The following SLC10A7 variants were observed in gnomAD, a reference collection of about 807,000 sequenced individuals.
SLC10A7 encodes solute carrier family 10 member 7.
Under a neutral mutation model 43.2 loss-of-function variants are expected in SLC10A7, and 29 were observed. That is an observed-to-expected ratio of 0.67 (90% CI 0.50 to 0.92). The LOEUF (loss-of-function observed/expected upper bound fraction) is 0.92, where lower values mean the gene tolerates loss of function less well. Ranked by LOEUF, SLC10A7 falls within the 40% of genes least tolerant of loss-of-function variation. The pLI is 0.00. For synonymous variants in SLC10A7, 152 were observed against 144.8 expected (o/e 1.05, Z -0.35); for missense variants, 295 against 403.2 (o/e 0.73, Z 2.30).
rs1409688369 is a variant in SLC10A7 at position 146,353,447 on chromosome 4, C to T, written c.436-27451G>A. On this transcript the variant is annotated intron_variant, in intron 5 of 11. Transcript: ENST00000335472. The stretch of plus-strand genomic sequence containing the variant: ...GACCAGATGGATTCACAGCCAAATT[C>T]TACCAGAGGTACAAGGAGGAACTGG... Among the ~76,000 whole-genome samples the T allele has an allele frequency of 4.6e-3, 651 of 141,010 alleles. 2 individuals carry two copies. The highest frequency in any genetic ancestry group is 7.3e-3 in the Non-Finnish European group (480 of 65,880). 92.5% of individuals were successfully genotyped at this position (141,010 alleles called of 152,430 possible).
chr4:146,332,200 T>C (rs768730675), intron 5 of SLC10A7, among the ~76,000 whole-genome samples: 8 of 152,206 alleles, frequency 5.3e-5, no homozygotes, highest in Admixed American at 1.3e-4. Flanking sequence ...GTCTAGCAGC[T>C]GACAGGAACA....
chr4:146,497,930 T>A (rs936949300), intron 4 of SLC10A7, among the ~76,000 whole-genome samples: 1 of 151,690 alleles, frequency 6.6e-6, no homozygotes, highest in Admixed American at 6.6e-5. Flanking sequence ...AAAAAAAAAA[T>A]CAAAAAAATT....
At position 146,331,624 on chromosome 4, in the gene SLC10A7, C is replaced by G. The variant is rs186484315; in HGVS notation, c.436-5628G>C. Among the ~76,000 whole-genome samples the G allele has an allele frequency of 2.1e-4, 32 of 152,218 alleles. No homozygotes were observed. The East Asian group carries it at 5.6e-3, about 27-fold the overall frequency. ...AATAAATGTTTGACAGGTGTTCATT[C>G]TGTATGTATAAGAAAATCATGTTCT... On this transcript the variant is annotated intron_variant, in intron 5 of 11. Coordinates refer to ENST00000335472, the MANE Select transcript of SLC10A7 (RefSeq NM_001029998.6).
intron 1 of SLC10A7, among the ~76,000 whole-genome samples, chr4:146,519,433 A>G (rs1738413423): frequency 6.6e-6 from 1 of 151,408 alleles, no homozygotes; most frequent in African/African-American, 2.4e-5. Flanking sequence ...CAAATGCTGT[A>G]ATAAATTATT....
chr4:146,519,354 G>T (rs959902589), intron 1 of SLC10A7, among the ~76,000 whole-genome samples: 24 of 144,448 alleles, frequency 1.7e-4, no homozygotes, highest in Admixed American at 3.6e-4. Context: ...TCTATATATA[G>T]AGAGAGATGA....
At chr4:146,488,648 C>T (rs992574600) in intron 4 of SLC10A7, among the ~76,000 whole-genome samples, 23 of 152,206 alleles carry the variant, frequency 1.5e-4, no homozygotes, top group Non-Finnish European at 3.4e-4. Context: ...TTATTTCCTT[C>T]TAAGCATTCG....
At position 146,345,991 on chromosome 4, in the gene SLC10A7, C is replaced by A. The variant is rs542934663; in HGVS notation, c.436-19995G>T. On this transcript the variant is annotated intron_variant, in intron 5 of 11. Coordinates refer to ENST00000335472, the MANE Select transcript of SLC10A7 (RefSeq NM_001029998.6). ...GCACACAGAGGTTAGCTAATTTGCC[C>A]AAGGTCAAGCTGTAATTTTTGAGGT... Among the ~76,000 whole-genome samples, 3 of 152,140 alleles carry A rather than the reference C, an allele frequency of 2.0e-5. No individual in the cohort carries two copies. In the East Asian group the frequency reaches 5.8e-4, roughly 29 times the overall value.
At chr4:146,332,769 T>C (rs1427501850) in intron 5 of SLC10A7, among the ~76,000 whole-genome samples, 2 of 152,188 alleles carry the variant, frequency 1.3e-5, no homozygotes, top group Non-Finnish European at 2.9e-5. Flanking sequence ...AGAAAACTTT[T>C]AGTAATAATT....
chr4:146,454,908 G>A (rs1425404445), intron 4 of SLC10A7, among the ~76,000 whole-genome samples: 1 of 151,700 alleles, frequency 6.6e-6, no homozygotes, highest in Non-Finnish European at 1.5e-5. Context: ...TCCATTAATA[G>A]CTTATTGATA....
intron 7 of SLC10A7, among the ~76,000 whole-genome samples, chr4:146,304,057 A>T (rs749661671): frequency 1.6e-5 from 1 of 63,392 alleles, no homozygotes; most frequent in Non-Finnish European, 2.6e-5. Flanking sequence ...GCATCCTATG[A>T]TTTCATAGAA....
At chr4:146,485,058 C>A (rs946998940) in intron 4 of SLC10A7, among the ~76,000 whole-genome samples, 11 of 152,156 alleles carry the variant, frequency 7.2e-5, no homozygotes, top group African/African-American at 2.7e-4. Context: ...CCACCTCATC[C>A]CTTTTACCCA....
chr4:146,264,679 A>T (rs923823276), intron 10 of SLC10A7, among the ~76,000 whole-genome samples: 1 of 151,596 alleles, frequency 6.6e-6, no homozygotes, highest in African/African-American at 2.4e-5. Context: ...TGCAACTGCA[A>T]CTCCTACAGC....
intron 3 of SLC10A7, among the ~76,000 whole-genome samples, chr4:146,504,412 A>G (rs1435717621): frequency 6.6e-6 from 1 of 151,020 alleles, no homozygotes; most frequent in Non-Finnish European, 1.5e-5. Flanking sequence ...CCAGCCACTC[A>G]GGAGGTTGAG....
intron 5 of SLC10A7, among the ~76,000 whole-genome samples, chr4:146,338,557 A>T (rs1734046895): frequency 6.6e-6 from 1 of 151,992 alleles, no homozygotes; most frequent in Non-Finnish European, 1.5e-5. Context: ...TTCTAGCTGA[A>T]AGAGACATTA....
chr4:146,495,070 T>C (rs532225053), intron 4 of SLC10A7, among the ~76,000 whole-genome samples: 1 of 152,274 alleles, frequency 6.6e-6, no homozygotes, highest in African/African-American at 2.4e-5. Context: ...TTGCTGCTGT[T>C]ACTTCTGTTC....
chr4:146,429,420 T>C (rs541932805), intron 5 of SLC10A7, among the ~76,000 whole-genome samples: 1 of 152,184 alleles, frequency 6.6e-6, no homozygotes, highest in Non-Finnish European at 1.5e-5. Flanking sequence ...GAAAGCTTAC[T>C]TTGTGCCAAG....
At chr4:146,310,383 G>C (rs113048770) in intron 6 of SLC10A7, among the ~76,000 whole-genome samples, 6 of 152,198 alleles carry the variant, frequency 3.9e-5, no homozygotes, top group African/African-American at 1.4e-4. Context: ...AGTTCTTTGA[G>C]AAATCTCCAG....
chr4:146,423,051 T>C (rs1729070132), intron 5 of SLC10A7, among the ~76,000 whole-genome samples: 1 of 152,082 alleles, frequency 6.6e-6, no homozygotes, highest in African/African-American at 2.4e-5. Flanking sequence ...ATAAGAACAA[T>C]TGTGTATAAA....
intron 5 of SLC10A7, among the ~76,000 whole-genome samples, chr4:146,363,951 A>C (rs1023486059): frequency 6.6e-6 from 1 of 152,094 alleles, no homozygotes; most frequent in Non-Finnish European, 1.5e-5. Flanking sequence ...GAACTAAAAA[A>C]GCAAGAGCAC....
Sources: gnomAD v4.1 joint callset for allele counts (sites outside exome capture counted in the v4.1 genomes callset) on GRCh38, gnomAD v4.1.1 for gene constraint, MANE v1.5 for transcripts, NCBI Gene and HGNC (gene_info 2026-07-23, HGNC 2026-07-21) for gene names.